SLC18B1: variants seen among roughly 807,000 people sequenced by gnomAD.
The protein encoded by SLC18B1 is solute carrier family 18 member B1.
SLC18B1 carries 62 observed loss-of-function variants against 53.9 expected under a neutral mutation model. That is an observed-to-expected ratio of 1.15 (90% CI 0.94 to 1.42). The LOEUF is 1.42. Among genes scored for constraint, SLC18B1 ranks in the 40% most tolerant of loss-of-function variants. SLC18B1 has a pLI of 0.00. For missense variants in SLC18B1, 598 were observed against 547.3 expected (o/e 1.09, Z -0.93); for synonymous variants, 217 against 200.9 (o/e 1.08, Z -0.68).
At chr6:132,783,857 C>G in intron 6 of SLC18B1, 76 bp downstream of exon 6, 1 of 1,135,296 alleles carries the variant, frequency 8.8e-7, no homozygotes, top group Non-Finnish European at 1.2e-6. Context: ...AAAATAATAA[C>G]TGGTAAAACT....
Position 132,771,095 on chromosome 6 carries a change from A to G in SLC18B1, c.1195T>C (p.Tyr399His), listed in dbSNP as rs78960293. ...FMGPTLGGFL[Y>H]EKIGFEWAAA... is the part of the protein sequence containing the mutation. The stretch of plus-strand genomic sequence containing the variant: ...GCCCATTCAAAACCAATTTTCTCAT[A>G]CAGAAATCCACCCAGCGTTGGTCCC... Residue 399 changes from tyrosine to histidine, a missense_variant, in exon 12 of 14, where the codon TAT becomes CAT. Transcript: ENST00000275227. 33 of 1,614,152 alleles carry G rather than the reference A, an allele frequency of 2.0e-5. No homozygotes were observed. In the African/African-American group the frequency reaches 3.2e-4, roughly 16 times the overall value.
chr6:132,774,499 T>A (rs796964840), intron 8 of SLC18B1, among the ~76,000 whole-genome samples, 186 bp from the exon 9 acceptor site: 5 of 152,270 alleles, frequency 3.3e-5, no homozygotes, highest in African/African-American at 7.2e-5. Flanking sequence ...TGACGATATA[T>A]AACAAGGCAG....
intron 5 of SLC18B1, among the ~76,000 whole-genome samples, chr6:132,784,758 G>A (rs1345957894): frequency 1.3e-5 from 2 of 152,202 alleles, no homozygotes; most frequent in Non-Finnish European, 2.9e-5. Flanking sequence ...GACATGGTAT[G>A]TATACAAGCT....
At position 132,776,393 on chromosome 6, in the gene SLC18B1, G is replaced by A; in HGVS notation, c.832C>T (p.Leu278=). 1.2e-6 allele frequency: 2 copies of A among 1,613,534 alleles called. No homozygotes were observed. Among genetic ancestry groups the A allele is most frequent in the Non-Finnish European group, 1.7e-6 (2 of 1,179,742 alleles). Residue 278 remains leucine (L), a synonymous_variant, in exon 8 of 14, where the codon CTG becomes TTG. Coordinates refer to ENST00000275227, the MANE Select transcript of SLC18B1 (RefSeq NM_052831.3). The stretch of plus-strand genomic sequence containing the variant: ...ATGGCATAGGACAGTGCCATACCCA[G>A]GAATACTAGTCCCACATATCCAGCT... ...LPAGYVGLVF[L]GMALSYAISS... is the part of the protein sequence containing the mutation.
At chr6:132,784,197 C>T (rs1781312069) in intron 5 of SLC18B1, 108 bp from the exon 6 acceptor site, 3 of 833,128 alleles carry the variant, frequency 3.6e-6, no homozygotes, top group South Asian at 8.5e-5. Context: ...CATACACACA[C>T]TCCCAAGATG....
Position 132,771,036 on chromosome 6 carries a change from A to G in SLC18B1, c.1254T>C (p.Ser418=), listed in dbSNP as rs779073320. 12 of 1,612,748 alleles carry G rather than the reference A, an allele frequency of 7.4e-6. No homozygotes were observed. In the African/African-American group the frequency reaches 1.6e-4, roughly 22 times the overall value. The change falls in exon 12 of 14, where the codon AGT becomes AGC. Residue 418 remains serine, a splice_region_variant and synonymous_variant. Transcript: ENST00000275227. ...TGCAAATAAAAGACTGATTACTCACACTTATCAGAGCCCATAGACCTTGTA... is the reference window on the plus strand; with the variant it reads ...TGCAAATAAAAGACTGATTACTCACGCTTATCAGAGCCCATAGACCTTGTA... ...AAIQGLWALI[S]GLAMGLFYLL... is the part of the protein sequence containing the mutation.
intron 5 of SLC18B1, among the ~76,000 whole-genome samples, chr6:132,785,296 C>T (rs1275771931): frequency 6.6e-6 from 1 of 152,128 alleles, no homozygotes; most frequent in Non-Finnish European, 1.5e-5. Context: ...AATATATTTA[C>T]TATATTCTAT....
At chr6:132,781,452 G>T (rs1017632509) in intron 6 of SLC18B1, among the ~76,000 whole-genome samples, 1 of 151,988 alleles carries the variant, frequency 6.6e-6, no homozygotes, top group Non-Finnish European at 1.5e-5. Context: ...TGATCGAGAA[G>T]GTTTAGAAAA....
intron 4 of SLC18B1, among the ~76,000 whole-genome samples, chr6:132,788,255 A>G (rs1408396493): frequency 1.3e-5 from 2 of 151,876 alleles, no homozygotes; most frequent in Admixed American, 6.6e-5. Context: ...CTAAAAAGGA[A>G]TAAGACAATT....
chr6:132,774,323 G>A lies in SLC18B1; in HGVS notation c.898-10C>T, dbSNP rs1554221239. On this transcript the variant is annotated splice_polypyrimidine_tract_variant and intron_variant, in intron 8 of 13. Transcript: ENST00000275227. Reference sequence around the variant, plus strand: ...GCCATTTCCTTAGAGGCTGGTAAAGGAGAAAGAGAGTCAAAATGATTCTTA... The same window carrying A: ...GCCATTTCCTTAGAGGCTGGTAAAGAAGAAAGAGAGTCAAAATGATTCTTA... 1 of 1,604,494 alleles carries A rather than the reference G, an allele frequency of 6.2e-7. No individual in the cohort carries two copies. Among genetic ancestry groups the A allele is most frequent in the Non-Finnish European group, 8.5e-7 (1 of 1,173,810 alleles).
chr6:132,777,604 C>T (rs1004317998), intron 7 of SLC18B1, among the ~76,000 whole-genome samples: 4 of 152,078 alleles, frequency 2.6e-5, no homozygotes, highest in Non-Finnish European at 5.9e-5. Context: ...GTACCAGCTA[C>T]TCGGGAGGCT....
intron 6 of SLC18B1, 82 bp from the exon 7 acceptor site, chr6:132,779,486 C>T: frequency 6.9e-7 from 1 of 1,442,670 alleles, no homozygotes; most frequent in Non-Finnish European, 9.5e-7. Context: ...AAACTGGTAA[C>T]ACCATCTTTA....
intron 6 of SLC18B1, among the ~76,000 whole-genome samples, chr6:132,781,314 A>G (rs1452660305): frequency 6.7e-6 from 1 of 149,696 alleles, no homozygotes; most frequent in Non-Finnish European, 1.5e-5. Context: ...AAGGGACATG[A>G]CTCCCTGGCT....
intron 2 of SLC18B1, among the ~76,000 whole-genome samples, chr6:132,794,293 AG>A (rs1781618209): frequency 6.6e-6 from 1 of 151,688 alleles, no homozygotes; most frequent in Non-Finnish European, 1.5e-5. Context: ...TAGTACAGAC[AG>A]GGTTTCACCA....
intron 2 of SLC18B1, among the ~76,000 whole-genome samples, chr6:132,795,460 G>A (rs566898639): frequency 9.9e-5 from 15 of 152,162 alleles, no homozygotes; most frequent in Non-Finnish European, 2.1e-4. Flanking sequence ...AGGTTGTTGC[G>A]GGGATTAAAT....
chr6:132,776,438 GA>G lies in SLC18B1; in HGVS notation c.796-10del. ...CCAGCTGGTAAATTGAACTGTAAAAGAAATCCTATATTAAAGTTACATAATT... is the reference window on the plus strand; with the variant it reads ...CCAGCTGGTAAATTGAACTGTAAAAGAATCCTATATTAAAGTTACATAATT... On this transcript the variant is annotated splice_polypyrimidine_tract_variant and intron_variant, in intron 7 of 13. Coordinates refer to ENST00000275227, the MANE Select transcript of SLC18B1 (RefSeq NM_052831.3). 1 of 1,596,992 alleles carries G rather than the reference GA, an allele frequency of 6.3e-7. No individual in the cohort carries two copies. Among genetic ancestry groups the G allele is most frequent in the Non-Finnish European group, 8.6e-7 (1 of 1,166,734 alleles).
chr6:132,776,196 T>C (rs536055343), intron 8 of SLC18B1, 132 bp downstream of exon 8: 1 of 693,086 alleles, frequency 1.4e-6, no homozygotes, highest in Non-Finnish European at 2.4e-6. Flanking sequence ...TAGAAAACAC[T>C]GAAACCTCTC....
At chr6:132,786,151 TG>T (rs1781365158) in intron 5 of SLC18B1, among the ~76,000 whole-genome samples, 1 of 152,182 alleles carries the variant, frequency 6.6e-6, no homozygotes, top group Non-Finnish European at 1.5e-5. Flanking sequence ...GAGCCCTTTC[TG>T]AGAAATAAAT....
chr6:132,797,128 T>A lies in SLC18B1; in HGVS notation c.44-7A>T, dbSNP rs372141474. 2.5e-6 allele frequency: 4 copies of A among 1,612,234 alleles called. No individual in the cohort carries two copies. Among genetic ancestry groups the A allele is most frequent in the Non-Finnish European group, 3.4e-6 (4 of 1,179,542 alleles). ...CTTCCTGCAGGATCATCACCTTGAA[T>A]GCAAACATGCAGCAATTAGGCATAT... On this transcript the variant is annotated splice_region_variant and splice_polypyrimidine_tract_variant and intron_variant, in intron 1 of 13. Transcript: ENST00000275227.
Sources: allele counts gnomAD v4.1 joint callset (sites outside exome capture counted in the v4.1 genomes callset), GRCh38; gene constraint gnomAD v4.1.1; transcripts MANE v1.5; gene names NCBI Gene and HGNC (gene_info 2026-07-23, HGNC 2026-07-21).